RPH3A: variants seen among roughly 807,000 people sequenced by gnomAD.
RPH3A encodes the protein rabphilin-3A.
RPH3A carries 48 observed loss-of-function variants against 102.2 expected under a neutral mutation model. The observed-to-expected ratio is 0.47, with a 90% CI of 0.37 to 0.60. The LOEUF is 0.60. Among genes scored for constraint, RPH3A ranks in the 20% least tolerant of loss-of-function variants. The pLI is 0.00. For missense variants in RPH3A, 781 were observed against 910.1 expected (o/e 0.86, Z 1.83); for synonymous variants, 310 against 324.3 (o/e 0.96, Z 0.47).
At chr12:112,806,737 T>G (rs1421958243) in intron 2 of RPH3A, among the ~76,000 whole-genome samples, 1 of 152,198 alleles carries the variant, frequency 6.6e-6, no homozygotes, top group African/African-American at 2.4e-5. Flanking sequence ...GTATGTGATA[T>G]GCACTGTGCT....
At chr12:112,720,069 C>G (rs1183188746) in intron 1 of RPH3A, among the ~76,000 whole-genome samples, 2 of 152,246 alleles carry the variant, frequency 1.3e-5, no homozygotes, top group Non-Finnish European at 2.9e-5. Flanking sequence ...ATTCTGCACT[C>G]AGGTTGTTTT....
At chr12:112,683,319 T>C (rs2040239836) in intron 1 of RPH3A, among the ~76,000 whole-genome samples, 1 of 152,182 alleles carries the variant, frequency 6.6e-6, no homozygotes, top group African/African-American at 2.4e-5. Flanking sequence ...ACATCTATCC[T>C]TCTACTCTGT....
intron 4 of RPH3A, among the ~76,000 whole-genome samples, chr12:112,846,907 T>A (rs1565916430): frequency 2.0e-5 from 3 of 152,222 alleles, no homozygotes; most frequent in Non-Finnish European, 4.4e-5. Flanking sequence ...TCCCTGGGTC[T>A]GAATCCTGCC....
rs116393456 is a variant in RPH3A at position 112,819,871 on chromosome 12, G to A, written c.-18-8430G>A. 4.9e-3 allele frequency among the ~76,000 whole-genome samples: 752 copies of A among 152,380 alleles called. 7 individuals carry two copies. Among genetic ancestry groups the A allele is most frequent in the African/African-American group, 0.017 (709 of 41,590 alleles). On this transcript the variant is annotated intron_variant, in intron 2 of 21. Coordinates refer to ENST00000389385, the MANE Select transcript of RPH3A (RefSeq NM_001143854.2). ...CAGGGTTGCTAAAAAAATAGCAAAA[G>A]AGACCAGGCTCTGAAGGGCTAGTAT...
At chr12:112,748,390 A>G (rs1315665987) in intron 1 of RPH3A, among the ~76,000 whole-genome samples, 1 of 152,118 alleles carries the variant, frequency 6.6e-6, no homozygotes, top group Non-Finnish European at 1.5e-5. Flanking sequence ...TGGAAGTGCA[A>G]TGTTGCAATC....
chr12:112,813,957 T>C (rs979085476), intron 2 of RPH3A, among the ~76,000 whole-genome samples: 3 of 151,822 alleles, frequency 2.0e-5, no homozygotes, highest in African/African-American at 7.3e-5. Context: ...TGTGTGTGTG[T>C]GTGTGTGTGT....
intron 2 of RPH3A, among the ~76,000 whole-genome samples, chr12:112,804,997 G>T (rs1223461582): frequency 6.6e-6 from 1 of 152,048 alleles, no homozygotes; most frequent in Non-Finnish European, 1.5e-5. Flanking sequence ...GCATTTATAG[G>T]TGGGCAAAAT....
intron 1 of RPH3A, among the ~76,000 whole-genome samples, chr12:112,740,909 C>T (rs555393432): frequency 6.6e-6 from 1 of 152,306 alleles, no homozygotes; most frequent in Admixed American, 6.5e-5. Flanking sequence ...ATGGTCCAAG[C>T]TCCCATTTCA....
intron 14 of RPH3A, 135 bp from the exon 15 acceptor site, chr12:112,881,637 C>T: frequency 1.8e-6 from 1 of 571,100 alleles, no homozygotes; most frequent in South Asian, 2.9e-5. Flanking sequence ...CATTTCCCTT[C>T]TCTCTCTTTG....
intron 1 of RPH3A, among the ~76,000 whole-genome samples, chr12:112,652,885 G>A (rs771753416): frequency 1.3e-5 from 2 of 152,082 alleles, no homozygotes; most frequent in African/African-American, 2.4e-5. Flanking sequence ...TGATTTCGTT[G>A]TCATTTGACT....
chr12:112,641,519 C>G (rs1027141762), intron 1 of RPH3A, among the ~76,000 whole-genome samples: 1 of 152,208 alleles, frequency 6.6e-6, no homozygotes, highest in Non-Finnish European at 1.5e-5. Flanking sequence ...GCCTCAGCCT[C>G]TTGAGTAGCT....
chr12:112,870,860 C>T (rs965204836), intron 10 of RPH3A, among the ~76,000 whole-genome samples: 1 of 152,208 alleles, frequency 6.6e-6, no homozygotes, highest in Non-Finnish European at 1.5e-5. Flanking sequence ...GAAAGAGGAA[C>T]TTCCAGATCC....
At chr12:112,803,353 G>A (rs1221417598) in intron 2 of RPH3A, among the ~76,000 whole-genome samples, 1 of 152,004 alleles carries the variant, frequency 6.6e-6, no homozygotes, top group Non-Finnish European at 1.5e-5. Flanking sequence ...GAATTATCAG[G>A]GAGAGGATGA....
intron 1 of RPH3A, among the ~76,000 whole-genome samples, chr12:112,785,574 G>C (rs2136080502): frequency 6.6e-6 from 1 of 152,238 alleles, no homozygotes; most frequent in South Asian, 2.1e-4. Flanking sequence ...AATGAATAAA[G>C]ATGACAGACA....
At chr12:112,838,213 G>A (rs1472919586) in intron 4 of RPH3A, among the ~76,000 whole-genome samples, 1 of 152,372 alleles carries the variant, frequency 6.6e-6, no homozygotes, top group Non-Finnish European at 1.5e-5. Context: ...GCACTACGTG[G>A]AGGAGACAGA....
At chr12:112,782,027 G>A (rs534510781) in intron 1 of RPH3A, among the ~76,000 whole-genome samples, 43 of 152,376 alleles carry the variant, frequency 2.8e-4, no homozygotes, top group South Asian at 2.1e-4. Flanking sequence ...TATTATGGAA[G>A]CTGAATTATG....
At position 112,734,730 on chromosome 12, in the gene RPH3A, T is replaced by C. The variant is rs117091602; in HGVS notation, c.-139-57413T>C. On this transcript the variant is annotated intron_variant, in intron 1 of 21. Coordinates refer to the RPH3A transcript ENST00000543106. ...TCCCAGAACTGAGGGTTCCTCTCCT[T>C]TTTAGACCATATAGGGTATCTTTCT... is the stretch of plus-strand genomic sequence containing the variant. Among the ~76,000 whole-genome samples the C allele has an allele frequency of 2.1e-3, 325 of 152,262 alleles. 11 individuals carry two copies. The East Asian group carries it at 0.058, about 27-fold the overall frequency.
At chr12:112,640,357 A>G (rs1448980372) in intron 1 of RPH3A, among the ~76,000 whole-genome samples, 4 of 137,796 alleles carry the variant, frequency 2.9e-5, no homozygotes, top group Non-Finnish European at 6.2e-5. Context: ...AAAAAAAAAA[A>G]AAAAAAAAAG....
At chr12:112,638,716 A>G (rs561266563) in intron 1 of RPH3A, among the ~76,000 whole-genome samples, 22 of 152,210 alleles carry the variant, frequency 1.4e-4, no homozygotes, top group Admixed American at 1.0e-3. Context: ...TTTTTATACC[A>G]TCTCTCACAG....
Sources: gnomAD v4.1 joint callset for allele counts (sites outside exome capture counted in the v4.1 genomes callset) on GRCh38, gnomAD v4.1.1 for gene constraint, MANE v1.5 for transcripts, NCBI Gene and HGNC (gene_info 2026-07-23, HGNC 2026-07-21) for gene names.